PDE10A: variants seen among roughly 807,000 people sequenced by gnomAD.
The protein encoded by PDE10A is phosphodiesterase 10A.
A neutral mutation model predicts 97.7 loss-of-function variants in PDE10A; 39 were observed. The ratio of observed to expected loss-of-function variants is 0.40; its 90% CI spans 0.31 to 0.52. The LOEUF is 0.52. Ranked by LOEUF, PDE10A falls within the 20% of genes least tolerant of loss-of-function variation. PDE10A has a pLI of 0.56. For synonymous variants in PDE10A, 371 were observed against 376.8 expected (o/e 0.98, Z 0.18); for missense variants, 731 against 1,047.8 (o/e 0.70, Z 4.17).
chr6:165,582,303 C>A (rs1014446793), intron 1 of PDE10A, among the ~76,000 whole-genome samples: 1 of 152,112 alleles, frequency 6.6e-6, no homozygotes, highest in African/African-American at 2.4e-5. Context: ...AGTGGAAATA[C>A]AGGGCCCAAA....
At chr6:165,722,974 C>T (rs1018330840) in intron 1 of PDE10A, among the ~76,000 whole-genome samples, 4 of 151,732 alleles carry the variant, frequency 2.6e-5, no homozygotes, top group African/African-American at 7.3e-5. Flanking sequence ...ATTTGAACTA[C>T]GTTTTTGTTT....
At chr6:165,836,472 C>T (rs1780066462) in intron 1 of PDE10A, among the ~76,000 whole-genome samples, 1 of 152,230 alleles carries the variant, frequency 6.6e-6, no homozygotes, top group African/African-American at 2.4e-5. Context: ...GGTCAGGCAG[C>T]TCTTCTATTC....
intron 1 of PDE10A, among the ~76,000 whole-genome samples, chr6:165,912,239 A>C (rs1448764852): frequency 6.6e-6 from 1 of 152,180 alleles, no homozygotes; most frequent in Non-Finnish European, 1.5e-5. Flanking sequence ...ACACACACGT[A>C]TATGTATACA....
chr6:165,840,193 C>G (rs1448865173), intron 1 of PDE10A, among the ~76,000 whole-genome samples: 2 of 151,488 alleles, frequency 1.3e-5, no homozygotes, highest in African/African-American at 4.9e-5. Flanking sequence ...CATCTTTATC[C>G]CATCCCCATC....
rs1298920989 is a variant in PDE10A, at chr6:165,608,052, GTATATATATGTA to G, written c.865+53883_865+53894del. The stretch of plus-strand genomic sequence containing the variant: ...TTCTAATGCAAGTATTGCTTTTCTT[GTATATATATGTA>G]TATATATATGTATATATGTATATAT... On this transcript the variant is annotated intron_variant, in intron 1 of 21. Transcript: ENST00000539869. Among the ~76,000 whole-genome samples, 28 of 146,992 alleles carry G rather than the reference GTATATATATGTA, an allele frequency of 1.9e-4. 1 individual carries two copies. In the South Asian group the frequency reaches 1.9e-3, roughly 10 times the overall value.
At chr6:165,471,208 A>T (rs1037094906) in intron 3 of PDE10A, among the ~76,000 whole-genome samples, 6 of 152,130 alleles carry the variant, frequency 3.9e-5, no homozygotes, top group African/African-American at 1.4e-4. Context: ...TTTTTATTTA[A>T]AAGAAACATA....
intron 1 of PDE10A, among the ~76,000 whole-genome samples, chr6:165,725,243 A>G (rs4709974): frequency 0.64 from 97,495 of 152,120 alleles, 32,026 homozygotes; most frequent in African/African-American, 0.78. Flanking sequence ...GCAGAAACCC[A>G]GAATACAGAA....
At chr6:165,532,227 C>T (rs1301901189) in intron 2 of PDE10A, among the ~76,000 whole-genome samples, 7 of 151,840 alleles carry the variant, frequency 4.6e-5, no homozygotes, top group Non-Finnish European at 8.8e-5. Context: ...TGCCTTTGCT[C>T]ATGTTGCTCC....
intron 1 of PDE10A, among the ~76,000 whole-genome samples, chr6:165,727,793 A>G (rs1792335983): frequency 6.6e-6 from 1 of 152,232 alleles, no homozygotes; most frequent in Admixed American, 6.5e-5. Context: ...TTAAATAATC[A>G]TGTTTCCAAA....
intron 1 of PDE10A, among the ~76,000 whole-genome samples, chr6:165,728,584 CAGA>C (rs1284980022): frequency 6.6e-6 from 1 of 152,100 alleles, no homozygotes; most frequent in Non-Finnish European, 1.5e-5. Context: ...GCAAAATCAT[CAGA>C]AGAATTGGGA....
intron 1 of PDE10A, chr6:165,576,349 G>C: frequency 2.6e-6 from 2 of 777,814 alleles, no homozygotes; most frequent in Non-Finnish European, 4.8e-6. Context: ...GTACTAGTTT[G>C]CTTCCTGTCT....
At chr6:165,342,618 T>C (rs769654369) in intron 19 of PDE10A, among the ~76,000 whole-genome samples, 2 of 152,242 alleles carry the variant, frequency 1.3e-5, no homozygotes, top group Non-Finnish European at 2.9e-5. Flanking sequence ...AGATATACGA[T>C]TGAATTATCA....
At chr6:165,456,619 C>T (rs1283572651) in intron 3 of PDE10A, among the ~76,000 whole-genome samples, 2 of 152,134 alleles carry the variant, frequency 1.3e-5, no homozygotes, top group Non-Finnish European at 2.9e-5. Context: ...TTTCATTTCA[C>T]GTCTCTGGGC....
chr6:165,733,290 T>A (rs891384489), intron 1 of PDE10A, among the ~76,000 whole-genome samples: 2 of 152,230 alleles, frequency 1.3e-5, no homozygotes, highest in African/African-American at 4.8e-5. Context: ...GATTTACTTT[T>A]CTTATATATC....
At chr6:165,916,745 T>A (rs1250595078) in intron 1 of PDE10A, among the ~76,000 whole-genome samples, 1 of 152,222 alleles carries the variant, frequency 6.6e-6, no homozygotes, top group Non-Finnish European at 1.5e-5. Flanking sequence ...AACGGATTCC[T>A]TTTGGTCTTC....
chr6:165,699,156 C>T (rs1791509462), intron 1 of PDE10A, among the ~76,000 whole-genome samples: 1 of 152,018 alleles, frequency 6.6e-6, no homozygotes. Flanking sequence ...AAAGATATAT[C>T]ATAGTAAATA....
At chr6:165,777,581 T>C (rs1018202043) in intron 1 of PDE10A, among the ~76,000 whole-genome samples, 29 of 152,194 alleles carry the variant, frequency 1.9e-4, no homozygotes, top group Non-Finnish European at 4.4e-5. Context: ...CTGTTAAATA[T>C]ATGAACGTCT....
At chr6:165,986,045 C>T (rs1417974045) in intron 1 of PDE10A, 1 of 152,868 alleles carries the variant, frequency 6.5e-6, no homozygotes, top group Non-Finnish European at 1.5e-5. Context: ...GGGATCTCAA[C>T]TCCCAAACGT....
intron 1 of PDE10A, among the ~76,000 whole-genome samples, chr6:165,958,010 G>A (rs977197240): frequency 8.5e-5 from 13 of 152,128 alleles, no homozygotes; most frequent in African/African-American, 1.7e-4. Context: ...TGATCGTAAC[G>A]GTCTTTCTCA....
Sources: allele counts gnomAD v4.1 joint callset (sites outside exome capture counted in the v4.1 genomes callset), GRCh38; gene constraint gnomAD v4.1.1; transcripts MANE v1.5; gene names NCBI Gene and HGNC (gene_info 2026-07-23, HGNC 2026-07-21).